Variants in NELL1 observed in about 807,000 individuals in gnomAD.
NELL1 encodes neural EGFL like 1, also known as protein kinase C-binding protein NELL1.
Under a neutral mutation model 107.4 loss-of-function variants are expected in NELL1, and 76 were observed. That is an observed-to-expected ratio of 0.71 (90% CI 0.59 to 0.86). The LOEUF (loss-of-function observed/expected upper bound fraction) is 0.86, where lower values mean the gene tolerates loss of function less well. Among genes scored for constraint, NELL1 ranks in the 40% least tolerant of loss-of-function variants. NELL1 has a pLI of 0.00. For missense variants in NELL1, 1,024 were observed against 1,005.5 expected, an observed-to-expected ratio of 1.02 and a Z score of -0.25; for synonymous variants, 353 against 341.2, an observed-to-expected ratio of 1.03 and a Z score of -0.38.
At chr11:21,278,501 G>C (rs546909551) in intron 14 of NELL1, among the ~76,000 whole-genome samples, 1 of 151,978 alleles carries the variant, frequency 6.6e-6, no homozygotes, top group African/African-American at 2.4e-5. Context: ...TACTGGCAAT[G>C]AACAAGTGAA....
intron 15 of NELL1, among the ~76,000 whole-genome samples, chr11:21,379,413 A>G (rs1564866618): frequency 6.6e-6 from 1 of 152,026 alleles, no homozygotes; most frequent in Non-Finnish European, 1.5e-5. Flanking sequence ...TAAGCTTTGA[A>G]CCTCTCACAG....
Position 20,705,802 on chromosome 11 carries a change from C to T in NELL1, c.184+27742C>T, listed in dbSNP as rs566635078. On this transcript the variant is annotated intron_variant, in intron 2 of 19. Coordinates refer to ENST00000357134, the MANE Select transcript of NELL1 (RefSeq NM_006157.5). ...GCTAATATCCAGAATCTACAATGAA[C>T]GCCAACAAATTTACAAGAAAAAATC... is the stretch of plus-strand genomic sequence containing the variant. Among the ~76,000 whole-genome samples, 307 of 151,542 alleles carry T rather than the reference C, an allele frequency of 2.0e-3. 1 individual carries two copies. Among genetic ancestry groups the T allele is most frequent in the Non-Finnish European group, 2.7e-3 (185 of 67,892 alleles).
At chr11:20,906,994 G>A (rs1304200518) in intron 5 of NELL1, among the ~76,000 whole-genome samples, 1 of 151,890 alleles carries the variant, frequency 6.6e-6, no homozygotes, top group East Asian at 1.9e-4. Context: ...CAGTGCAAAT[G>A]GGCAAGAAAA....
At chr11:21,435,244 G>A (rs1853076788) in intron 15 of NELL1, among the ~76,000 whole-genome samples, 1 of 151,972 alleles carries the variant, frequency 6.6e-6, no homozygotes, top group African/African-American at 2.4e-5. Context: ...GGTGAAAGTG[G>A]GCATTCTATC....
intron 2 of NELL1, among the ~76,000 whole-genome samples, chr11:20,737,157 C>A (rs1242350196): frequency 6.6e-6 from 1 of 151,788 alleles, no homozygotes; most frequent in Non-Finnish European, 1.5e-5. Flanking sequence ...ATTATTTCTC[C>A]TCATTCTAGA....
chr11:20,760,132 G>A lies in NELL1; in HGVS notation c.185-23548G>A, dbSNP rs551269585. ...TATAGCGGCTATATGGTGTGGGTTG[G>A]GAGGTAGGTTGCTTACAGCTATAGC... On this transcript the variant is annotated intron_variant, in intron 2 of 19. Transcript: ENST00000357134. Among the ~76,000 whole-genome samples the A allele has an allele frequency of 3.9e-4, 59 of 152,308 alleles. No individual in the cohort carries two copies. The South Asian group carries it at 0.012, about 31-fold the overall frequency.
At chr11:20,785,707 A>G (rs1207209284) in intron 3 of NELL1, among the ~76,000 whole-genome samples, 1 of 152,206 alleles carries the variant, frequency 6.6e-6, no homozygotes, top group African/African-American at 2.4e-5. Context: ...CAGCTCTTCA[A>G]TGTCTTGGAA....
intron 14 of NELL1, among the ~76,000 whole-genome samples, chr11:21,342,524 G>C (rs992167397): frequency 4.0e-5 from 6 of 151,524 alleles, no homozygotes; most frequent in Non-Finnish European, 7.4e-5. Flanking sequence ...TGTGCCTGTA[G>C]TTACAGCTAC....
chr11:21,268,512 C>T (rs1848678350), intron 14 of NELL1, among the ~76,000 whole-genome samples: 1 of 152,134 alleles, frequency 6.6e-6, no homozygotes, highest in South Asian at 2.1e-4. Flanking sequence ...TAGCCTTCCA[C>T]ATGGGGGAAG....
chr11:21,432,890 T>C (rs191648556), intron 15 of NELL1, among the ~76,000 whole-genome samples: 1 of 152,272 alleles, frequency 6.6e-6, no homozygotes, highest in Admixed American at 6.5e-5. Flanking sequence ...TTCTGGCTTT[T>C]TGAAAATATA....
At chr11:20,685,748 C>T (rs1854291958) in intron 2 of NELL1, among the ~76,000 whole-genome samples, 1 of 152,018 alleles carries the variant, frequency 6.6e-6, no homozygotes, top group South Asian at 2.1e-4. Flanking sequence ...TGTGTATCAT[C>T]TGCCTTATGC....
intron 3 of NELL1, among the ~76,000 whole-genome samples, chr11:20,819,667 C>A (rs1288028626): frequency 6.6e-6 from 1 of 152,206 alleles, no homozygotes; most frequent in Non-Finnish European, 1.5e-5. Flanking sequence ...CAGCCTTTAT[C>A]GATAAGTTCC....
At chr11:20,932,325 A>C (rs1266931715) in intron 9 of NELL1, among the ~76,000 whole-genome samples, 1 of 152,170 alleles carries the variant, frequency 6.6e-6, no homozygotes, top group Non-Finnish European at 1.5e-5. Flanking sequence ...GATGGAGAAA[A>C]AAATATTTCT....
rs540666483 is a variant in NELL1, at chr11:20,759,061, C to T, written c.185-24619C>T. Among the ~76,000 whole-genome samples, 59 of 152,302 alleles carry T rather than the reference C, an allele frequency of 3.9e-4. No homozygotes were observed. The South Asian group carries it at 0.012, about 31-fold the overall frequency. On this transcript the variant is annotated intron_variant, in intron 2 of 19. Coordinates refer to ENST00000357134, the MANE Select transcript of NELL1 (RefSeq NM_006157.5). Reference sequence around the variant, plus strand: ...CATCTTACAGATGAGGAACTTGAGGCTCAGAAAAATTATGCAGCTGTTAAG... The same window carrying T: ...CATCTTACAGATGAGGAACTTGAGGTTCAGAAAAATTATGCAGCTGTTAAG...
At chr11:20,801,757 A>G (rs572589138) in intron 3 of NELL1, among the ~76,000 whole-genome samples, 5 of 152,316 alleles carry the variant, frequency 3.3e-5, no homozygotes, top group South Asian at 4.1e-4. Context: ...ATTATTGTAT[A>G]TGGCAAGAGA....
At chr11:21,526,719 C>T (rs1374710491) in intron 15 of NELL1, among the ~76,000 whole-genome samples, 1 of 152,170 alleles carries the variant, frequency 6.6e-6, no homozygotes, top group African/African-American at 2.4e-5. Flanking sequence ...AGAGCTTGCC[C>T]CCTCTGAAAC....
chr11:21,169,850 TC>T, intron 13 of NELL1: 1 of 1,415,690 alleles, frequency 7.1e-7, no homozygotes. Flanking sequence ...CACCCCAGAG[TC>T]CCCCCAGGAA....
intron 14 of NELL1, among the ~76,000 whole-genome samples, chr11:21,335,802 G>A (rs917593692): frequency 1.3e-5 from 2 of 152,050 alleles, no homozygotes; most frequent in Non-Finnish European, 2.9e-5. Flanking sequence ...ATGGATGAGA[G>A]AGCCAATTGA....
intron 16 of NELL1, among the ~76,000 whole-genome samples, chr11:21,535,163 A>G (rs968072011): frequency 6.6e-6 from 1 of 152,184 alleles, no homozygotes; most frequent in African/African-American, 2.4e-5. Flanking sequence ...AATACTGAAC[A>G]CGGGAAATTA....
Sources: allele counts gnomAD v4.1 joint callset (sites outside exome capture counted in the v4.1 genomes callset), GRCh38; gene constraint gnomAD v4.1.1; transcripts MANE v1.5; gene names NCBI Gene and HGNC (gene_info 2026-07-23, HGNC 2026-07-21).